Variants in HECTD2 observed in about 807,000 individuals in gnomAD.
HECTD2 encodes HECT domain E3 ubiquitin protein ligase 2.
HECTD2 carries 35 observed loss-of-function variants against 103.2 expected under a neutral mutation model. The observed-to-expected ratio is 0.34, with a 90% CI of 0.26 to 0.45. The LOEUF is 0.45. HECTD2 is among the 20% of genes least tolerant of loss of function. The probability of loss-of-function intolerance (pLI) is 1.00; values close to 1 mark genes in which losing one functional copy is unlikely to be tolerated. For synonymous variants in HECTD2, 281 were observed against 329.9 expected (o/e 0.85, Z 1.61); for missense variants, 596 against 937.4 (o/e 0.64, Z 4.76).
chr10:91,422,400 A>G (rs1238638335), intron 1 of HECTD2, among the ~76,000 whole-genome samples: 1 of 152,144 alleles, frequency 6.6e-6, no homozygotes, highest in East Asian at 1.9e-4. Flanking sequence ...CTGAGGGACC[A>G]TTTATTATAC....
chr10:91,464,655 TG>T, intron 5 of HECTD2: 1 of 157,084 alleles, frequency 6.4e-6, no homozygotes, highest in Admixed American at 6.4e-5. Context: ...TCTTTACTAT[TG>T]GGGATTCTGG....
intron 1 of HECTD2, among the ~76,000 whole-genome samples, chr10:91,418,534 T>C (rs1196032271): frequency 6.6e-6 from 1 of 152,152 alleles, no homozygotes; most frequent in Admixed American, 6.6e-5. Context: ...CCAATTCCAC[T>C]TGGGCTGGTG....
At chr10:91,414,223 G>A (rs1843033469) in intron 1 of HECTD2, among the ~76,000 whole-genome samples, 1 of 152,128 alleles carries the variant, frequency 6.6e-6, no homozygotes, top group East Asian at 1.9e-4. Context: ...ATTTGACTTA[G>A]GTCAGAGAGG....
intron 20 of HECTD2, among the ~76,000 whole-genome samples, chr10:91,507,083 G>A (rs1388431161): frequency 3.3e-5 from 5 of 152,144 alleles, no homozygotes; most frequent in African/African-American, 1.2e-4. Context: ...AACGCTTCAT[G>A]CTAAAAACTC....
intron 10 of HECTD2, chr10:91,486,482 G>T (rs1846271235): frequency 6.6e-6 from 1 of 152,146 alleles, no homozygotes; most frequent in African/African-American, 2.4e-5. Flanking sequence ...GGTGTACCAA[G>T]AATGAGTTAC....
At chr10:91,426,609 G>C (rs1366700731) in intron 2 of HECTD2, among the ~76,000 whole-genome samples, 1 of 151,084 alleles carries the variant, frequency 6.6e-6, no homozygotes, top group African/African-American at 2.4e-5. Flanking sequence ...CCTCCGTCAC[G>C]CCAATATTGC....
chr10:91,474,354 A>T lies in HECTD2; in HGVS notation c.601-3847A>T, dbSNP rs186401719. Among the ~76,000 whole-genome samples, 179 of 152,328 alleles carry T rather than the reference A, an allele frequency of 1.2e-3. 1 individual carries two copies. The highest frequency in any genetic ancestry group is 4.2e-3 in the Admixed American group (65 of 15,302). On this transcript the variant is annotated intron_variant, in intron 5 of 20. Coordinates refer to ENST00000298068, the MANE Select transcript of HECTD2 (RefSeq NM_182765.6). ...GAAGAGACTATCACTTTAGATTTTT[A>T]AAAATTATATTCCATGCTAAGCACA...
intron 1 of HECTD2, among the ~76,000 whole-genome samples, chr10:91,424,138 A>G (rs1564699488): frequency 1.3e-5 from 2 of 152,128 alleles, no homozygotes; most frequent in East Asian, 3.9e-4. Context: ...CTCAGCCTGG[A>G]TGGTTGCCAC....
intron 11 of HECTD2, among the ~76,000 whole-genome samples, chr10:91,490,232 A>AG (rs58135026): frequency 0.2 from 30,699 of 152,074 alleles, 7,354 homozygotes; most frequent in African/African-American, 0.58. Flanking sequence ...TACTTTCTTC[A>AG]GTGTACCTTC....
intron 5 of HECTD2, among the ~76,000 whole-genome samples, chr10:91,463,880 C>T (rs1845440852): frequency 6.6e-6 from 1 of 152,208 alleles, no homozygotes; most frequent in African/African-American, 2.4e-5. Flanking sequence ...AAATACTTGG[C>T]ATGATCTCCT....
chr10:91,416,033 T>C (rs1225886079), intron 1 of HECTD2, among the ~76,000 whole-genome samples: 19 of 9,986 alleles, frequency 1.9e-3, no homozygotes, highest in Admixed American at 0.018. Context: ...AGTCTCTTTG[T>C]CAACTTTTTT....
intron 11 of HECTD2, among the ~76,000 whole-genome samples, chr10:91,490,594 T>C (rs1034832247): frequency 1.3e-5 from 2 of 152,128 alleles, no homozygotes; most frequent in Admixed American, 6.5e-5. Context: ...ACTTTGCTAT[T>C]TAAGAGATGA....
chr10:91,416,150 G>A (rs1254530605), intron 1 of HECTD2, among the ~76,000 whole-genome samples: 2 of 151,990 alleles, frequency 1.3e-5, no homozygotes, highest in South Asian at 2.1e-4. Flanking sequence ...GGAGAAAAGC[G>A]GTCATTATAA....
Position 91,496,301 on chromosome 10 carries a change from A to G in HECTD2, c.1609A>G (p.Ile537Val). Residue 537 changes from isoleucine to valine, a missense_variant, in exon 15 of 21, where the codon ATT becomes GTT. This residue lies in a region of HECTD2 where 303 missense variants were observed against 522.5 expected (regional missense o/e 0.58). Coordinates refer to ENST00000298068, the MANE Select transcript of HECTD2 (RefSeq NM_182765.6). Reference sequence around the variant, plus strand: ...CAAGAAATTATTGAGCCCTCCCATCATTCCTAGTGATCAAAATATACCAGT... The same window carrying G: ...CAAGAAATTATTGAGCCCTCCCATCGTTCCTAGTGATCAAAATATACCAGT... The part of the protein sequence containing the change: ...CYKKLLSPPI[I>V]PSDQNIPVGI... 1 of 1,612,478 alleles carries G rather than the reference A, an allele frequency of 6.2e-7. No homozygotes were observed. The highest frequency in any genetic ancestry group is 1.1e-5 in the South Asian group (1 of 90,990).
intron 20 of HECTD2, among the ~76,000 whole-genome samples, chr10:91,509,299 A>C (rs1847329782): frequency 6.6e-6 from 1 of 152,082 alleles, no homozygotes; most frequent in Admixed American, 6.5e-5. Flanking sequence ...TTAAAAAAAA[A>C]ATCAAAAAAT....
chr10:91,415,911 T>C (rs1843108610), intron 1 of HECTD2, among the ~76,000 whole-genome samples: 1 of 152,158 alleles, frequency 6.6e-6, no homozygotes, highest in Non-Finnish European at 1.5e-5. Flanking sequence ...AGAGACTTAA[T>C]ACATAAAAAG....
In HECTD2 at chr10:91,493,421, C is replaced by T; in HGVS notation, c.1434C>T (p.Gly478=). Residue 478 remains glycine, a splice_region_variant and synonymous_variant, in exon 14 of 21, where the codon GGC becomes GGT. Transcript: ENST00000298068. ...LIRQIFHPDY[G]MFTYHKDSHC... ...AACATTATTCGTGTGTTTTTTTAGG[C>T]ATGTTTACATATCACAAGGATTCAC... The T allele has an allele frequency of 6.7e-7, 1 of 1,488,776 alleles. No individual in the cohort carries two copies. The highest frequency in any genetic ancestry group is 9.0e-7 in the Non-Finnish European group (1 of 1,115,002). The allele number at this position is 1,488,776 out of a possible 1,614,324, so 92.2% of individuals were successfully genotyped here.
chr10:91,418,112 GAA>G (rs148457995), intron 1 of HECTD2, among the ~76,000 whole-genome samples: 10,035 of 152,046 alleles, frequency 0.066, 881 homozygotes, highest in African/African-American at 0.2. Context: ...CAGCTGAATT[GAA>G]AAAGTCAGTC....
chr10:91,440,130 TGA>T (rs568288728), intron 2 of HECTD2, among the ~76,000 whole-genome samples: 15 of 152,256 alleles, frequency 9.9e-5, no homozygotes, highest in Admixed American at 8.5e-4. Flanking sequence ...ATAAGAGTAG[TGA>T]GAGAGAGCAT....
Sources: allele counts gnomAD v4.1 joint callset (sites outside exome capture counted in the v4.1 genomes callset), GRCh38; gene constraint gnomAD v4.1.1; regional missense constraint gnomAD v4.1.1; transcripts MANE v1.5; gene names NCBI Gene and HGNC (gene_info 2026-07-23, HGNC 2026-07-21).